The following RFPL1 variants were observed in gnomAD, a reference collection of about 807,000 sequenced individuals.
RFPL1 encodes the protein ret finger protein-like 1.
Under a neutral mutation model 9.6 loss-of-function variants are expected in RFPL1, and 6 were observed. The observed-to-expected ratio is 0.62, with a 90% confidence interval of 0.34 to 1.23. RFPL1 has a LOEUF of 1.23. RFPL1 is among the 50% of genes most tolerant of loss of function. RFPL1 has a pLI of 0.03. For missense variants in RFPL1, 352 were observed against 398.4 expected, an observed-to-expected ratio of 0.88 and a Z score of 0.99; for synonymous variants, 145 against 149.4, an observed-to-expected ratio of 0.97 and a Z score of 0.22.
the RFPL1 span, among the ~76,000 whole-genome samples, chr22:29,406,052 T>C: frequency 3.1e-5 from 4 of 127,958 alleles, no homozygotes; most frequent in South Asian, 7.5e-4. Flanking sequence ...GAGCTTGCAG[T>C]GAGCCGAGAT....
At chr22:29,409,345 A>G in the RFPL1 span, among the ~76,000 whole-genome samples, 27 of 152,182 alleles carry the variant, frequency 1.8e-4, no homozygotes, top group African/African-American at 6.3e-4. Flanking sequence ...TAAGGTGACT[A>G]TTTCGCATTG....
At chr22:29,438,576 G>A (rs2062820543), upstream of RFPL1, 3 of 1,404,338 alleles carry the variant, frequency 2.1e-6, no homozygotes, top group East Asian at 2.6e-5. Context: ...TTCCTCACAT[G>A]GGTGCTGCCG....
chr22:29,392,172 C>T, the RFPL1 span, among the ~76,000 whole-genome samples: 6 of 151,934 alleles, frequency 3.9e-5, no homozygotes, highest in Non-Finnish European at 8.8e-5. Flanking sequence ...CTCTGCCTCC[C>T]GGGCTCAAGC....
chr22:29,417,877 T>TG, the RFPL1 span, among the ~76,000 whole-genome samples: 1 of 151,046 alleles, frequency 6.6e-6, no homozygotes, highest in East Asian at 1.9e-4. Flanking sequence ...GCTTTGAGTT[T>TG]GGGGTAGTGA....
chr22:29,431,565 G>A, the RFPL1 span, among the ~76,000 whole-genome samples: 1 of 152,074 alleles, frequency 6.6e-6, no homozygotes, highest in Non-Finnish European at 1.5e-5. Flanking sequence ...GTACATAGCT[G>A]TCCAGTAGAA....
the RFPL1 span, among the ~76,000 whole-genome samples, chr22:29,427,364 C>G: frequency 6.6e-6 from 1 of 152,186 alleles, no homozygotes; most frequent in Admixed American, 6.5e-5. Flanking sequence ...GAGATGGGGT[C>G]TAGGGTAGCT....
At chr22:29,420,667 G>T in the RFPL1 span, among the ~76,000 whole-genome samples, 1 of 105,310 alleles carries the variant, frequency 9.5e-6, no homozygotes, top group Admixed American at 1.5e-4. Context: ...TTGAGACGAA[G>T]TCTCACTCTG....
upstream of RFPL1, chr22:29,436,566 C>G (rs2062809644): frequency 1.3e-5 from 2 of 150,360 alleles, no homozygotes; most frequent in African/African-American, 2.5e-5. Context: ...TGCCACTGCA[C>G]TCCAGCCTGG....
At chr22:29,389,834 T>G in the RFPL1 span, among the ~76,000 whole-genome samples, 8 of 152,182 alleles carry the variant, frequency 5.3e-5, no homozygotes, top group Middle Eastern at 6.8e-3. Flanking sequence ...GGTCTCGCTC[T>G]GTTGCCCGGA....
the RFPL1 span, among the ~76,000 whole-genome samples, chr22:29,404,628 A>T: frequency 2.6e-3 from 400 of 151,696 alleles, no homozygotes; most frequent in Non-Finnish European, 3.5e-3. Context: ...TACCTCTTTT[A>T]AAAAAAATTT....
the RFPL1 span, among the ~76,000 whole-genome samples, chr22:29,411,956 TC>T: frequency 6.6e-6 from 1 of 152,062 alleles, no homozygotes; most frequent in Non-Finnish European, 1.5e-5. Context: ...TCTCAAGTGA[TC>T]CCCCCACCTC....
the RFPL1 span, among the ~76,000 whole-genome samples, chr22:29,391,608 C>T: frequency 1.3e-5 from 2 of 152,064 alleles, no homozygotes; most frequent in African/African-American, 4.8e-5. Context: ...TTTAAGATTT[C>T]CAAGGAGGGA....
chr22:29,426,048 T>C, the RFPL1 span, among the ~76,000 whole-genome samples: 1 of 151,980 alleles, frequency 6.6e-6, no homozygotes, highest in Non-Finnish European at 1.5e-5. Flanking sequence ...TGAGGCCGGG[T>C]GCGGTGGCTT....
the RFPL1 span, among the ~76,000 whole-genome samples, chr22:29,396,996 T>C: frequency 7.5e-6 from 1 of 133,246 alleles, no homozygotes. Flanking sequence ...AAGCTCCGCC[T>C]CCCGGGTTCA....
chr22:29,408,085 A>T, the RFPL1 span, among the ~76,000 whole-genome samples: 1 of 152,248 alleles, frequency 6.6e-6, no homozygotes, highest in Non-Finnish European at 1.5e-5. Context: ...TGCATGCTTC[A>T]CTACAATTTG....
At chr22:29,437,787 A>G, upstream of RFPL1, 1 of 1,506,224 alleles carries the variant, frequency 6.6e-7, no homozygotes, top group Non-Finnish European at 9.0e-7. Flanking sequence ...AATGGGGGTT[A>G]TGCCTTGGGG....
the RFPL1 span, among the ~76,000 whole-genome samples, chr22:29,408,615 T>G: frequency 6.6e-6 from 1 of 152,332 alleles, no homozygotes. Flanking sequence ...TTGTTTTTTC[T>G]GGGGCTTCTA....
At chr22:29,399,524 A>G in the RFPL1 span, among the ~76,000 whole-genome samples, 4 of 152,310 alleles carry the variant, frequency 2.6e-5, no homozygotes, top group South Asian at 8.3e-4. Context: ...GGTCCTGAGG[A>G]TTTCATCGGA....
chr22:29,409,749 C>T, the RFPL1 span, among the ~76,000 whole-genome samples: 1 of 152,042 alleles, frequency 6.6e-6, no homozygotes. Context: ...AAGACAAATA[C>T]AATTTTTTTG....
Sources: allele counts gnomAD v4.1 joint callset (sites outside exome capture counted in the v4.1 genomes callset), GRCh38; gene constraint gnomAD v4.1.1; transcripts MANE v1.5; gene names NCBI Gene and HGNC (gene_info 2026-07-23, HGNC 2026-07-21).